Variants in SLC9C1 observed in about 807,000 individuals in gnomAD.
SLC9C1 encodes solute carrier family 9 member C1.
SLC9C1 carries 97 observed loss-of-function variants against 140.9 expected under a neutral mutation model. The ratio of observed to expected loss-of-function variants is 0.69; its 90% CI spans 0.58 to 0.82. The LOEUF (loss-of-function observed/expected upper bound fraction) is 0.82, where lower values mean the gene tolerates loss of function less well. Ranked by LOEUF, SLC9C1 falls within the 40% of genes least tolerant of loss-of-function variation. The probability of loss-of-function intolerance (pLI) is 0.00; values close to 1 mark genes in which losing one functional copy is unlikely to be tolerated. For synonymous variants in SLC9C1, 440 were observed against 442.6 expected, an observed-to-expected ratio of 0.99 and a Z score of 0.07; for missense variants, 1,340 against 1,389.3, an observed-to-expected ratio of 0.96 and a Z score of 0.56.
chr3:112,247,172 G>A (rs981554109), intron 10 of SLC9C1, among the ~76,000 whole-genome samples: 15 of 152,114 alleles, frequency 9.9e-5, no homozygotes, highest in African/African-American at 1.7e-4. Flanking sequence ...TCCTGTCAAC[G>A]CATGCTTTAG....
intron 13 of SLC9C1, among the ~76,000 whole-genome samples, chr3:112,229,279 T>C (rs2078759674): frequency 6.6e-6 from 1 of 152,094 alleles, no homozygotes; most frequent in Non-Finnish European, 1.5e-5. Context: ...AGGGTGATTA[T>C]AGTAAACACT....
chr3:112,203,645 A>G (rs192730445), intron 17 of SLC9C1, among the ~76,000 whole-genome samples: 12 of 152,114 alleles, frequency 7.9e-5, no homozygotes, highest in Admixed American at 5.2e-4. Flanking sequence ...AAGAGAGAGT[A>G]TATCTGCATT....
chr3:112,155,022 A>T lies in SLC9C1; in HGVS notation c.3392T>A (p.Ile1131Asn). The T allele has an allele frequency of 6.2e-7, 1 of 1,608,714 alleles. No homozygotes were observed. Among genetic ancestry groups the T allele is most frequent in the Non-Finnish European group, 8.5e-7 (1 of 1,178,408 alleles). ...IGSVGTLEEG[I>N]QEERNVKEDG... ...CTCCTTAACATTTCTTTCTTCTTGA[A>T]TGCCTTCTTCCAATGTTCCAACTGA... Residue 1131 changes from isoleucine (I) to asparagine (N), a missense_variant, in exon 27 of 29, where the codon ATT (isoleucine) becomes AAT (asparagine). Transcript: ENST00000305815.
intron 7 of SLC9C1, among the ~76,000 whole-genome samples, chr3:112,267,049 C>T (rs116632224): frequency 2.6e-5 from 4 of 151,628 alleles, no homozygotes; most frequent in African/African-American, 4.8e-5. Context: ...GGGAGGCTGA[C>T]GGATGACTGC....
In SLC9C1 at chr3:112,172,209, G is replaced by A. The variant is rs150423098; in HGVS notation, c.2920-2881C>T. ...ATTATGGGCTCTAATCCACAAATAC[G>A]GTGTACTTCTCCATTTATTTAATCT... On this transcript the variant is annotated intron_variant, in intron 23 of 28. Transcript: ENST00000305815. 4.5e-3 allele frequency among the ~76,000 whole-genome samples: 688 copies of A among 151,992 alleles called. 8 individuals carry two copies. Among genetic ancestry groups the A allele is most frequent in the African/African-American group, 0.015 (636 of 41,482 alleles).
chr3:112,238,673 A>G, intron 12 of SLC9C1, among the ~76,000 whole-genome samples: 1 of 152,110 alleles, frequency 6.6e-6, no homozygotes, highest in Admixed American at 6.6e-5. Context: ...TTTCCTTCTA[A>G]CAGGCAGGAC....
intron 20 of SLC9C1, among the ~76,000 whole-genome samples, chr3:112,186,892 T>C (rs115871646): frequency 6.5e-4 from 99 of 152,344 alleles, no homozygotes; most frequent in African/African-American, 2.3e-3. Context: ...CAATTGATTA[T>C]TCATACAGAA....
chr3:112,216,231 T>C (rs2078364063), intron 15 of SLC9C1, among the ~76,000 whole-genome samples: 2 of 152,166 alleles, frequency 1.3e-5, no homozygotes, highest in African/African-American at 2.4e-5. Context: ...ACTTAAATGT[T>C]AGACCTAAAA....
intron 2 of SLC9C1, among the ~76,000 whole-genome samples, chr3:112,285,641 G>A (rs1051984249): frequency 2.0e-5 from 3 of 152,184 alleles, no homozygotes; most frequent in Non-Finnish European, 4.4e-5. Context: ...CATGCTCAAA[G>A]CCAGGACTCC....
At chr3:112,184,528 C>G (rs1164506365) in intron 20 of SLC9C1, among the ~76,000 whole-genome samples, 1 of 151,308 alleles carries the variant, frequency 6.6e-6, no homozygotes, top group East Asian at 2.0e-4. Context: ...CCCAGCTACT[C>G]GGAAGGCTGA....
chr3:112,239,739 T>G, intron 12 of SLC9C1, 101 bp downstream of exon 12: 1 of 1,160,166 alleles, frequency 8.6e-7, no homozygotes, highest in Non-Finnish European at 1.2e-6. Flanking sequence ...TCTCTATCAA[T>G]TACAAATATT....
chr3:112,290,814 CTTTT>C (rs11412854), intron 1 of SLC9C1, among the ~76,000 whole-genome samples: 8 of 137,962 alleles, frequency 5.8e-5, no homozygotes, highest in Non-Finnish European at 6.2e-5. Flanking sequence ...TCTTTTCCTT[CTTTT>C]TTTTTTTTTT....
intron 26 of SLC9C1, among the ~76,000 whole-genome samples, chr3:112,158,389 A>G (rs2075186977): frequency 6.6e-6 from 1 of 151,988 alleles, no homozygotes; most frequent in Non-Finnish European, 1.5e-5. Flanking sequence ...ATGATGAATG[A>G]CCTTTTTAAT....
chr3:112,292,353 C>T (rs1231786286), intron 1 of SLC9C1, among the ~76,000 whole-genome samples: 2 of 152,176 alleles, frequency 1.3e-5, no homozygotes, highest in Non-Finnish European at 2.9e-5. Context: ...AAATTCAACA[C>T]AATTTATCTC....
At chr3:112,201,664 T>C (rs2108034179) in intron 18 of SLC9C1, among the ~76,000 whole-genome samples, 1 of 152,200 alleles carries the variant, frequency 6.6e-6, no homozygotes, top group Middle Eastern at 3.4e-3. Context: ...TCTTTCCTGC[T>C]TACTCACTAT....
At chr3:112,266,388 G>A in intron 7 of SLC9C1, 48 bp from the exon 8 acceptor site, 9 of 1,407,858 alleles carry the variant, frequency 6.4e-6, no homozygotes, top group Non-Finnish European at 8.8e-6. Context: ...AACATCAACA[G>A]CAGCACAAAT....
chr3:112,179,367 A>G (rs2077396756), intron 23 of SLC9C1, among the ~76,000 whole-genome samples, 164 bp downstream of exon 23: 1 of 152,088 alleles, frequency 6.6e-6, no homozygotes, highest in South Asian at 2.1e-4. Context: ...CCAGGGCTTT[A>G]TACTAGATGA....
intron 26 of SLC9C1, among the ~76,000 whole-genome samples, chr3:112,157,411 G>A (rs1016543460): frequency 5.3e-5 from 8 of 151,974 alleles, no homozygotes; most frequent in African/African-American, 1.9e-4. Context: ...ATGCTATTTT[G>A]GTAATTGTAG....
chr3:112,196,859 CT>C (rs952225966), intron 20 of SLC9C1, among the ~76,000 whole-genome samples: 26 of 151,826 alleles, frequency 1.7e-4, no homozygotes, highest in Admixed American at 7.9e-4. Context: ...AAGTCTTTGT[CT>C]GGTAGACCTG....
Sources: allele counts gnomAD v4.1 joint callset (sites outside exome capture counted in the v4.1 genomes callset), GRCh38; gene constraint gnomAD v4.1.1; transcripts MANE v1.5; gene names NCBI Gene and HGNC (gene_info 2026-07-23, HGNC 2026-07-21).